The following LNPK variants were observed in gnomAD, a reference collection of about 807,000 sequenced individuals.
LNPK encodes the protein endoplasmic reticulum junction formation protein lunapark.
In LNPK, 29 loss-of-function variants were observed where a neutral mutation model predicts 55.2. The ratio of observed to expected loss-of-function variants is 0.53; its 90% confidence interval spans 0.39 to 0.72. The LOEUF is 0.72. Ranked by LOEUF, LNPK falls within the 30% of genes least tolerant of loss-of-function variation. LNPK has a pLI of 0.00. For synonymous variants in LNPK, 162 were observed against 168.2 expected, an observed-to-expected ratio of 0.96 and a Z score of 0.29; for missense variants, 467 against 494.8, an observed-to-expected ratio of 0.94 and a Z score of 0.53.
chr2:175,934,177 T>C (rs937567463), intron 12 of LNPK, among the ~76,000 whole-genome samples: 2 of 152,086 alleles, frequency 1.3e-5, no homozygotes, highest in African/African-American at 4.8e-5. Flanking sequence ...CATAAGTAAA[T>C]ATAAACAAAG....
chr2:175,981,721 A>G (rs747951417), intron 4 of LNPK, among the ~76,000 whole-genome samples: 8 of 152,198 alleles, frequency 5.3e-5, no homozygotes, highest in Non-Finnish European at 8.8e-5. Flanking sequence ...AAGATCTGCA[A>G]TGACTTTATC....
intron 8 of LNPK, 146 bp downstream of exon 8, chr2:175,964,226 C>T (rs1686214217): frequency 1.7e-6 from 1 of 585,020 alleles, no homozygotes; most frequent in East Asian, 2.8e-5. Flanking sequence ...TGCCATCCAC[C>T]CTAAGTCATA....
At chr2:175,988,822 G>C (rs1191702123) in intron 4 of LNPK, among the ~76,000 whole-genome samples, 3 of 152,258 alleles carry the variant, frequency 2.0e-5, no homozygotes, top group African/African-American at 7.2e-5. Flanking sequence ...CGCCCAGGCT[G>C]GAGTGCAGTG....
intron 8 of LNPK, among the ~76,000 whole-genome samples, chr2:175,958,320 GACACCTTAT>G (rs1685804044): frequency 6.6e-6 from 1 of 152,124 alleles, no homozygotes; most frequent in South Asian, 2.1e-4. Flanking sequence ...GGGGTCGACC[GACACCTTAT>G]ACAGCCGGGT....
At chr2:175,980,918 A>G (rs181998985) in intron 4 of LNPK, among the ~76,000 whole-genome samples, 166 of 152,076 alleles carry the variant, frequency 1.1e-3, no homozygotes, top group African/African-American at 3.6e-3. Context: ...AAAAAAAAAA[A>G]AAAGAAAGAA....
At chr2:175,960,948 T>C (rs963260516) in intron 8 of LNPK, among the ~76,000 whole-genome samples, 6 of 152,060 alleles carry the variant, frequency 3.9e-5, no homozygotes, top group Admixed American at 1.3e-4. Flanking sequence ...GCAAATAAAC[T>C]AGAAAATCTA....
intron 5 of LNPK, among the ~76,000 whole-genome samples, chr2:175,977,858 T>G (rs1686985440): frequency 6.6e-6 from 1 of 152,150 alleles, no homozygotes; most frequent in Non-Finnish European, 1.5e-5. Context: ...CCCCACATAG[T>G]CATACTGAGG....
chr2:175,927,145 G>C lies in LNPK; in HGVS notation c.*2822C>G, dbSNP rs1437888999. The C allele has an allele frequency of 6.6e-6, 1 of 152,260 alleles. No individual in the cohort carries two copies. The highest frequency in any genetic ancestry group is 1.5e-5 in the Non-Finnish European group (1 of 68,032). 9.4% of individuals were successfully genotyped at this position (152,260 alleles called of 1,614,324 possible). A position where few individuals can be genotyped will look rare whatever the true frequency, so the allele number is the denominator to read the frequency against. ...AGGCCAGAGAAATAAGAGAATAATA[G>C]TGTGATATATGAAAAGCCAAAAGAA... On this transcript the variant is annotated 3_prime_UTR_variant, in exon 13 of 13. Coordinates refer to ENST00000272748, the MANE Select transcript of LNPK (RefSeq NM_030650.3).
At chr2:175,932,484 C>G (rs1574799327) in intron 12 of LNPK, among the ~76,000 whole-genome samples, 1 of 152,122 alleles carries the variant, frequency 6.6e-6, no homozygotes, top group South Asian at 2.1e-4. Context: ...AATCAAAGAG[C>G]CTATTAATGA....
intron 8 of LNPK, among the ~76,000 whole-genome samples, chr2:175,961,122 GAGGTAC>G (rs1686007309): frequency 6.6e-6 from 1 of 152,130 alleles, no homozygotes; most frequent in African/African-American, 2.4e-5. Flanking sequence ...AATTCTACCA[GAGGTAC>G]AAAGAGAAGC....
At chr2:175,999,936 TTG>T (rs1446622411) in intron 1 of LNPK, among the ~76,000 whole-genome samples, 4 of 152,114 alleles carry the variant, frequency 2.6e-5, no homozygotes, top group Admixed American at 6.5e-5. Context: ...CGACTAATTT[TTG>T]TGTTTTTAGT....
chr2:175,969,579 G>C (rs902500692), intron 6 of LNPK, among the ~76,000 whole-genome samples: 1 of 151,900 alleles, frequency 6.6e-6, no homozygotes, highest in Non-Finnish European at 1.5e-5. Context: ...TCTCCATTTT[G>C]GTATAAGCAG....
intron 4 of LNPK, among the ~76,000 whole-genome samples, chr2:175,985,071 T>C (rs1035670158): frequency 7.2e-5 from 11 of 152,220 alleles, no homozygotes; most frequent in African/African-American, 1.2e-4. Flanking sequence ...ATCTCAAGAA[T>C]ATACTGAGTG....
At chr2:175,993,319 A>C (rs1254759581) in intron 2 of LNPK, 96 bp from the exon 3 acceptor site, 2 of 687,250 alleles carry the variant, frequency 2.9e-6, no homozygotes, top group Non-Finnish European at 4.5e-6. Flanking sequence ...TCAAAATTAA[A>C]TTTTCTCAAA....
At chr2:175,939,927 T>C (rs574003557) in intron 9 of LNPK, among the ~76,000 whole-genome samples, 1 of 152,126 alleles carries the variant, frequency 6.6e-6, no homozygotes, top group Admixed American at 6.5e-5. Context: ...CAAATAAAAT[T>C]ATGCTTAGTT....
intron 8 of LNPK, among the ~76,000 whole-genome samples, chr2:175,962,288 T>A (rs1430998615): frequency 2.6e-5 from 4 of 151,964 alleles, no homozygotes; most frequent in African/African-American, 4.8e-5. Flanking sequence ...GCATCACACT[T>A]CCTGACTTCA....
intron 4 of LNPK, among the ~76,000 whole-genome samples, chr2:175,980,973 T>C (rs573887149): frequency 7.3e-5 from 11 of 151,510 alleles, no homozygotes; most frequent in African/African-American, 2.4e-4. Flanking sequence ...ATACATTGTA[T>C]CTCTTGTAAA....
chr2:175,928,598 T>TTTA lies in LNPK; in HGVS notation c.*1368_*1369insTAA. ...ATGATAAAAATGTTTTGTTCAGTTG[T>TTTA]TAATAAACTGTGTGCAACTTAGAAA... On this transcript the variant is annotated 3_prime_UTR_variant, in exon 13 of 13. Coordinates refer to ENST00000272748, the MANE Select transcript of LNPK (RefSeq NM_030650.3). The TTTA allele has an allele frequency of 6.6e-6, 1 of 152,160 alleles. No homozygotes were observed. Among genetic ancestry groups the TTTA allele is most frequent in the East Asian group, 1.9e-4 (1 of 5,182 alleles). 9.4% of individuals were successfully genotyped at this position (152,160 alleles called of 1,614,324 possible).
intron 12 of LNPK, 84 bp downstream of exon 12, chr2:175,937,260 C>A: frequency 7.8e-7 from 1 of 1,284,262 alleles, no homozygotes; most frequent in South Asian, 1.5e-5. Context: ...TAAATTAATC[C>A]ATCTTTATCT....
Sources: gnomAD v4.1 joint callset for allele counts (sites outside exome capture counted in the v4.1 genomes callset) on GRCh38, gnomAD v4.1.1 for gene constraint, MANE v1.5 for transcripts, NCBI Gene and HGNC (gene_info 2026-07-23, HGNC 2026-07-21) for gene names.